GFI1B: variants seen among roughly 807,000 people sequenced by gnomAD.
GFI1B encodes zinc finger protein Gfi-1b.
A neutral mutation model predicts 35.3 loss-of-function variants in GFI1B; 20 were observed. The ratio of observed to expected loss-of-function variants is 0.57; its 90% CI spans 0.40 to 0.82. The LOEUF is 0.82. Ranked by LOEUF, GFI1B falls within the 40% of genes least tolerant of loss-of-function variation. The pLI, the probability that GFI1B is intolerant of heterozygous loss-of-function variation, is 0.00. For synonymous variants in GFI1B, 178 were observed against 177.6 expected, an observed-to-expected ratio of 1.00 and a Z score of -0.02; for missense variants, 430 against 446.3, an observed-to-expected ratio of 0.96 and a Z score of 0.33.
intron 1 of GFI1B, among the ~76,000 whole-genome samples, chr9:132,984,117 T>C (rs1183554106): frequency 2.6e-5 from 4 of 152,254 alleles, no homozygotes; most frequent in Admixed American, 1.3e-4. Flanking sequence ...ATAAATATTA[T>C]GCGCAAAAAA....
chr9:132,976,455 C>A (rs1448739209), upstream of GFI1B: 1 of 152,152 alleles, frequency 6.6e-6, no homozygotes, highest in East Asian at 1.9e-4. Flanking sequence ...TGTACAACAC[C>A]CACAGAATAC....
intron 1 of GFI1B, among the ~76,000 whole-genome samples, 175 bp downstream of exon 1, chr9:132,979,016 G>A (rs1461547749): frequency 6.6e-6 from 1 of 152,184 alleles, no homozygotes; most frequent in Admixed American, 6.5e-5. Context: ...ACGTAGCCTC[G>A]TCTGAGCCAC....
At chr9:132,961,915 A>G (rs1279731619) in intron 1 of GFI1B, among the ~76,000 whole-genome samples, 6 of 149,908 alleles carry the variant, frequency 4.0e-5, no homozygotes, top group Non-Finnish European at 5.9e-5. Context: ...TTGACAACCC[A>G]CCTTGCTGGC....
chr9:132,952,884 TA>T (rs1848223256), intron 1 of GFI1B: 1 of 152,250 alleles, frequency 6.6e-6, no homozygotes, highest in East Asian at 1.9e-4. Context: ...TATTTTAGCC[TA>T]TCAATGTGGT....
intron 1 of GFI1B, among the ~76,000 whole-genome samples, chr9:132,982,670 A>G (rs1210200858): frequency 2.0e-5 from 3 of 152,014 alleles, no homozygotes; most frequent in Non-Finnish European, 4.4e-5. Context: ...TTAATTAACT[A>G]CAGTATAGGT....
upstream of GFI1B, chr9:132,978,596 G>A (rs763560893): frequency 6.6e-6 from 1 of 152,208 alleles, no homozygotes; most frequent in Non-Finnish European, 1.5e-5. Context: ...AAATACGGCT[G>A]AGCTCCCGCG....
intron 1 of GFI1B, among the ~76,000 whole-genome samples, chr9:132,985,843 T>C (rs1479413110): frequency 6.6e-6 from 1 of 152,120 alleles, no homozygotes; most frequent in Non-Finnish European, 1.5e-5. Flanking sequence ...AAACCTAAGC[T>C]CAGACCACCC....
At chr9:132,960,922 C>T (rs1367699412) in intron 1 of GFI1B, among the ~76,000 whole-genome samples, 1 of 151,998 alleles carries the variant, frequency 6.6e-6, no homozygotes, top group African/African-American at 2.4e-5. Context: ...CACTCCGCAG[C>T]GTGTTGGATG....
In GFI1B at chr9:132,991,229, A is replaced by G; in HGVS notation, c.*179A>G. ...TGGGCAAGTCACTTACCCTGTCTGG[A>G]TCAACATTTCTCCTGCTGCCAAGTG... On this transcript the variant is annotated 3_prime_UTR_variant, in exon 7 of 7. Transcript: ENST00000372122. 1.6e-6 allele frequency: 1 copy of G among 631,094 alleles called. No individual in the cohort carries two copies. Among genetic ancestry groups the G allele is most frequent in the South Asian group, 1.9e-5 (1 of 53,236 alleles). The allele number at this position is 631,094 out of a possible 1,614,324, so 39.1% of individuals were successfully genotyped here.
chr9:132,985,025 G>A (rs73660574), intron 1 of GFI1B, among the ~76,000 whole-genome samples: 7,788 of 147,662 alleles, frequency 0.053, 233 homozygotes, highest in African/African-American at 0.08. Flanking sequence ...CGCCTTCTCC[G>A]GACCCTATCA....
In GFI1B at chr9:132,987,335, A is replaced by T. The variant is rs1373207619; in HGVS notation, c.154A>T (p.Asn52Tyr). ...NSPVLSTLFP[N>Y]QCLDWTNLKR... ...CCCTGTCCTTAGCACTCTATTCCCA[A>T]ACCAGTGCCTGGACTGGACCAACCT... Residue 52 changes from asparagine (N) to tyrosine (Y), a missense_variant, in exon 3 of 7, where the codon AAC (asparagine) becomes TAC (tyrosine). Coordinates refer to ENST00000372122, the MANE Select transcript of GFI1B (RefSeq NM_001377304.1). The T allele has an allele frequency of 6.2e-7, 1 of 1,614,172 alleles. No individual in the cohort carries two copies. The highest frequency in any genetic ancestry group is 1.7e-5 in the Admixed American group (1 of 60,030).
intron 4 of GFI1B, among the ~76,000 whole-genome samples, chr9:132,988,717 T>C (rs567566857): frequency 4.6e-5 from 7 of 152,256 alleles, no homozygotes; most frequent in African/African-American, 1.7e-4. Context: ...AAGTCACTTT[T>C]CCAGGATCAG....
At chr9:132,965,951 T>C (rs1449316199) in intron 1 of GFI1B, among the ~76,000 whole-genome samples, 2 of 152,258 alleles carry the variant, frequency 1.3e-5, no homozygotes, top group Non-Finnish European at 2.9e-5. Flanking sequence ...TGTTTACCTA[T>C]GTAACAAACC....
intron 1 of GFI1B, among the ~76,000 whole-genome samples, chr9:132,961,615 G>T (rs2905080): frequency 1.4e-5 from 2 of 143,810 alleles, no homozygotes; most frequent in South Asian, 2.2e-4. Context: ...TTTTTGAGAC[G>T]GAGTCTCGCT....
intron 1 of GFI1B, among the ~76,000 whole-genome samples, chr9:132,964,629 A>C (rs138785119): frequency 1.3e-5 from 2 of 152,268 alleles, no homozygotes; most frequent in Non-Finnish European, 2.9e-5. Context: ...TACACACACA[A>C]AAATACTTCT....
chr9:132,959,685 T>C (rs975975619), intron 1 of GFI1B, among the ~76,000 whole-genome samples: 3 of 152,214 alleles, frequency 2.0e-5, no homozygotes, highest in African/African-American at 7.2e-5. Flanking sequence ...AAGGTGTCAG[T>C]CAGCAGGGTT....
upstream of GFI1B, among the ~76,000 whole-genome samples, chr9:132,974,232 G>C (rs1481835357): frequency 6.6e-6 from 1 of 152,186 alleles, no homozygotes; most frequent in Admixed American, 6.5e-5. Context: ...TGTGTGCCTG[G>C]AAAAACAGTT....
In GFI1B at chr9:132,960,708, C is replaced by T. The variant is rs367618095; in HGVS notation, c.-700-12017C>T. The stretch of plus-strand genomic sequence containing the variant: ...TTAGAGATTGGGCCTAACTATGTTT[C>T]CCAGGCTGGTTTCGAAGTCCTGGTC... On this transcript the variant is annotated intron_variant, in intron 1 of 10. Coordinates refer to the GFI1B transcript ENST00000339463. 1.6e-3 allele frequency among the ~76,000 whole-genome samples: 236 copies of T among 151,918 alleles called. 1 individual carries two copies. The highest frequency in any genetic ancestry group is 4.7e-3 in the African/African-American group (196 of 41,400).
downstream of GFI1B, among the ~76,000 whole-genome samples, chr9:132,992,083 G>C (rs903045521): frequency 2.0e-5 from 3 of 152,304 alleles, no homozygotes; most frequent in Admixed American, 1.3e-4. Flanking sequence ...TCCTGCAGCA[G>C]GCTCCCAGGA....
Sources: allele counts gnomAD v4.1 joint callset (sites outside exome capture counted in the v4.1 genomes callset), GRCh38; gene constraint gnomAD v4.1.1; transcripts MANE v1.5; gene names NCBI Gene and HGNC (gene_info 2026-07-23, HGNC 2026-07-21).